The following GBE1 variants were observed in gnomAD, a reference collection of about 807,000 sequenced individuals.
GBE1 encodes the protein 1,4-alpha-glucan-branching enzyme.
Under a neutral mutation model 88.8 loss-of-function variants are expected in GBE1, and 70 were observed. The observed-to-expected ratio is 0.79, with a 90% CI of 0.65 to 0.96. GBE1 has a LOEUF of 0.96. Ranked by LOEUF, GBE1 falls within the 40% of genes least tolerant of loss-of-function variation. GBE1 has a pLI of 0.00. For synonymous variants in GBE1, 284 were observed against 300.1 expected (o/e 0.95, Z 0.56); for missense variants, 872 against 871.0 (o/e 1.00, Z -0.01).
At chr3:81,748,679 G>A (rs564903654) in intron 1 of GBE1, among the ~76,000 whole-genome samples, 33 of 152,024 alleles carry the variant, frequency 2.2e-4, no homozygotes, top group African/African-American at 8.0e-4. Context: ...CAGATCAACT[G>A]CATCCAGTGG....
chr3:81,747,853 A>T (rs1706438988), intron 1 of GBE1, among the ~76,000 whole-genome samples: 1 of 152,082 alleles, frequency 6.6e-6, no homozygotes, highest in South Asian at 2.1e-4. Flanking sequence ...CAAATCCTAT[A>T]AAACGGCCCC....
chr3:81,742,035 C>T (rs1334181752), intron 1 of GBE1, among the ~76,000 whole-genome samples: 1 of 151,722 alleles, frequency 6.6e-6, no homozygotes, highest in Admixed American at 6.6e-5. Flanking sequence ...AAGGGTTTCT[C>T]TTGCATGTTT....
At chr3:81,600,056 G>A (rs770743600) in intron 7 of GBE1, among the ~76,000 whole-genome samples, 8 of 152,070 alleles carry the variant, frequency 5.3e-5, no homozygotes, top group Non-Finnish European at 7.4e-5. Flanking sequence ...GGTGGATCAC[G>A]AGGTCAAGAG....
intron 2 of GBE1, among the ~76,000 whole-genome samples, chr3:81,676,648 CT>C (rs1705259069): frequency 6.6e-6 from 1 of 151,540 alleles, no homozygotes; most frequent in African/African-American, 2.4e-5. Context: ...TCTTTATTTT[CT>C]TTTTTATTTT....
chr3:81,547,663 CTCTCTT>C (rs1264396797), intron 12 of GBE1, among the ~76,000 whole-genome samples: 1 of 145,874 alleles, frequency 6.9e-6, no homozygotes, highest in Non-Finnish European at 1.5e-5. Flanking sequence ...CTCTCTCTCT[CTCTCTT>C]TCTCCCTCTG....
intron 1 of GBE1, among the ~76,000 whole-genome samples, chr3:81,757,960 G>A (rs901455935): frequency 4.6e-5 from 7 of 152,086 alleles, no homozygotes; most frequent in Non-Finnish European, 1.0e-4. Flanking sequence ...TGGTCAAAAA[G>A]AGGCTGAGAA....
intron 1 of GBE1, among the ~76,000 whole-genome samples, chr3:81,708,258 G>T (rs991480396): frequency 6.6e-6 from 1 of 151,746 alleles, no homozygotes; most frequent in African/African-American, 2.4e-5. Flanking sequence ...AGGAAAGGAT[G>T]GCTTATTCAA....
chr3:81,724,629 T>C (rs1049966289), intron 1 of GBE1, among the ~76,000 whole-genome samples: 1 of 152,174 alleles, frequency 6.6e-6, no homozygotes, highest in South Asian at 2.1e-4. Context: ...ACCCCTTTAA[T>C]AGTCACAACA....
At chr3:81,577,878 G>A in intron 12 of GBE1, 47 bp downstream of exon 12, 1 of 1,450,868 alleles carries the variant, frequency 6.9e-7, no homozygotes, top group Non-Finnish European at 9.3e-7. Context: ...GTCATTATAA[G>A]TTAACATTTT....
chr3:81,707,961 T>C (rs1411925838), intron 1 of GBE1, among the ~76,000 whole-genome samples: 2 of 152,050 alleles, frequency 1.3e-5, no homozygotes, highest in Admixed American at 6.6e-5. Flanking sequence ...GTGAGGTTTC[T>C]TTTTACTTTC....
intron 2 of GBE1, among the ~76,000 whole-genome samples, chr3:81,699,316 C>A (rs756676827): frequency 3.9e-5 from 6 of 152,026 alleles, no homozygotes; most frequent in Non-Finnish European, 7.4e-5. Context: ...CACTACCCTG[C>A]CAAAACAATT....
In GBE1 at chr3:81,591,072, G is replaced by A; in HGVS notation, c.1201C>T (p.His401Tyr). The A allele has an allele frequency of 6.2e-7, 1 of 1,610,260 alleles. No homozygotes were observed. Among genetic ancestry groups the A allele is most frequent in the Non-Finnish European group, 8.5e-7 (1 of 1,177,940 alleles). ...GTTATAGAATCGGGACACAGCGTGT[G>A]AACCAAATGATTTGCCAACATGAGG... The part of the protein sequence containing the change: ...TYLMLANHLV[H>Y]TLCPDSITIA... The change falls in exon 9 of 16, where the codon CAC (histidine) becomes TAC (tyrosine). Residue 401 changes from histidine (H) to tyrosine (Y), a missense_variant. Transcript: ENST00000429644.
At chr3:81,721,232 T>TGCAATTG (rs1706028533) in intron 1 of GBE1, among the ~76,000 whole-genome samples, 1 of 101,252 alleles carries the variant, frequency 9.9e-6, no homozygotes, top group Non-Finnish European at 1.8e-5. Flanking sequence ...AATAAATAAA[T>TGCAATTG]AAAAACACAT....
intron 3 of GBE1, chr3:81,650,137 C>T (rs556877090): frequency 8.4e-6 from 3 of 357,120 alleles, no homozygotes; most frequent in Admixed American, 1.0e-4. Flanking sequence ...CCAGCTTGAA[C>T]ATTTTATGGC....
At chr3:81,694,927 A>C (rs1457217973) in intron 2 of GBE1, among the ~76,000 whole-genome samples, 2 of 151,992 alleles carry the variant, frequency 1.3e-5, no homozygotes, top group Non-Finnish European at 1.5e-5. Context: ...GCTAAATGAC[A>C]CTCCCATCAG....
intron 1 of GBE1, among the ~76,000 whole-genome samples, chr3:81,721,471 T>G (rs772512188): frequency 1.3e-5 from 2 of 152,106 alleles, no homozygotes; most frequent in Non-Finnish European, 2.9e-5. Flanking sequence ...ATTACTGTTT[T>G]GGCCTATTCA....
intron 9 of GBE1, among the ~76,000 whole-genome samples, chr3:81,589,140 T>C (rs892468173): frequency 6.6e-6 from 1 of 152,080 alleles, no homozygotes; most frequent in Non-Finnish European, 1.5e-5. Flanking sequence ...GTGTTTGGGA[T>C]GAAATTAAAA....
intron 1 of GBE1, among the ~76,000 whole-genome samples, chr3:81,715,509 C>CT (rs1279532258): frequency 2.6e-5 from 4 of 152,134 alleles, no homozygotes; most frequent in Non-Finnish European, 5.9e-5. Context: ...CTATTATAAT[C>CT]TTTATCAATG....
At chr3:81,702,229 G>A (rs753234495) in intron 2 of GBE1, among the ~76,000 whole-genome samples, 21 of 151,146 alleles carry the variant, frequency 1.4e-4, no homozygotes, top group Non-Finnish European at 2.7e-4. Context: ...TAAAAATTCT[G>A]TGTTCACTAA....
Sources: gnomAD v4.1 joint callset for allele counts (sites outside exome capture counted in the v4.1 genomes callset) on GRCh38, gnomAD v4.1.1 for gene constraint, MANE v1.5 for transcripts, NCBI Gene and HGNC (gene_info 2026-07-23, HGNC 2026-07-21) for gene names.